The following BCKDHB variants were observed in gnomAD, a reference collection of about 807,000 sequenced individuals.
BCKDHB encodes the protein 2-oxoisovalerate dehydrogenase subunit beta, mitochondrial.
In BCKDHB, 41 loss-of-function variants were observed where a neutral mutation model predicts 48.5. That is an observed-to-expected ratio of 0.85 (90% CI 0.66 to 1.10). The LOEUF (loss-of-function observed/expected upper bound fraction) is 1.10. Among genes scored for constraint, BCKDHB ranks in the 50% least tolerant of loss-of-function variants. BCKDHB has a pLI of 0.00. For synonymous variants in BCKDHB, 201 were observed against 174.8 expected (o/e 1.15, Z -1.18); for missense variants, 496 against 494.2 (o/e 1.00, Z -0.03).
chr6:80,236,006 C>T (rs1172010748), intron 8 of BCKDHB, among the ~76,000 whole-genome samples: 1 of 152,100 alleles, frequency 6.6e-6, no homozygotes, highest in African/African-American at 2.4e-5. Flanking sequence ...AACCTGTGCT[C>T]CATGTGGAAA....
downstream of BCKDHB, among the ~76,000 whole-genome samples, chr6:80,347,441 C>T (rs916466752): frequency 6.6e-6 from 1 of 152,202 alleles, no homozygotes; most frequent in African/African-American, 2.4e-5. Context: ...GAACTCTGCA[C>T]TGACATGGTC....
chr6:80,112,364 A>G (rs1769453888), intron 1 of BCKDHB, among the ~76,000 whole-genome samples: 1 of 152,056 alleles, frequency 6.6e-6, no homozygotes, highest in African/African-American at 2.4e-5. Context: ...CCAGACTCCA[A>G]ACACTGGGGC....
chr6:80,309,597 T>C (rs1768053804), intron 9 of BCKDHB, among the ~76,000 whole-genome samples: 1 of 152,164 alleles, frequency 6.6e-6, no homozygotes, highest in Non-Finnish European at 1.5e-5. Context: ...GTTTGTTTGT[T>C]TGTTTGTTTG....
At chr6:80,413,641 A>C in the BCKDHB span, among the ~76,000 whole-genome samples, 3 of 152,224 alleles carry the variant, frequency 2.0e-5, no homozygotes, top group African/African-American at 4.8e-5. Context: ...CATTCTCGTT[A>C]TGCCTGCATA....
intron 8 of BCKDHB, among the ~76,000 whole-genome samples, chr6:80,247,154 T>C (rs1390372585): frequency 6.6e-6 from 1 of 152,190 alleles, no homozygotes; most frequent in Non-Finnish European, 1.5e-5. Context: ...TCTTAGAGAA[T>C]GTGGGTTGCA....
intron 8 of BCKDHB, among the ~76,000 whole-genome samples, chr6:80,270,694 G>T (rs1582476463): frequency 6.6e-6 from 1 of 152,172 alleles, no homozygotes; most frequent in East Asian, 1.9e-4. Context: ...TGCTCATTTT[G>T]TCAAGTATCT....
At chr6:80,294,747 G>A (rs777848502) in intron 9 of BCKDHB, among the ~76,000 whole-genome samples, 2 of 152,088 alleles carry the variant, frequency 1.3e-5, no homozygotes, top group South Asian at 2.1e-4. Context: ...TGGTCAGACC[G>A]GTTCTCTGCT....
intron 9 of BCKDHB, among the ~76,000 whole-genome samples, chr6:80,331,487 G>A (rs1407731521): frequency 6.6e-5 from 10 of 152,136 alleles, no homozygotes; most frequent in Non-Finnish European, 1.3e-4. Context: ...TCAACCAGAT[G>A]TTGATCCAAT....
At chr6:80,168,297 GAGAA>G (rs199780878) in intron 4 of BCKDHB, among the ~76,000 whole-genome samples, 3,875 of 149,680 alleles carry the variant, frequency 0.026, 60 homozygotes, top group Non-Finnish European at 0.037. Flanking sequence ...GAAAAGAAGA[GAGAA>G]AGAAAGAAAG....
chr6:80,251,055 C>T (rs967556265), intron 8 of BCKDHB, among the ~76,000 whole-genome samples: 5 of 152,144 alleles, frequency 3.3e-5, no homozygotes, highest in African/African-American at 9.7e-5. Context: ...TCACTACTGA[C>T]TAGATAGTAT....
chr6:80,361,059 A>G, the BCKDHB span, among the ~76,000 whole-genome samples: 1 of 151,398 alleles, frequency 6.6e-6, no homozygotes, highest in African/African-American at 2.4e-5. Context: ...ATAGCTTTTC[A>G]TTTTATTTCC....
chr6:80,312,186 A>G (rs1412032375), intron 9 of BCKDHB, among the ~76,000 whole-genome samples: 2 of 152,098 alleles, frequency 1.3e-5, no homozygotes, highest in South Asian at 2.1e-4. Context: ...TTTTATGGCA[A>G]TTGTGAATGG....
chr6:80,195,635 ATTAAT>A (rs1304513900), intron 6 of BCKDHB, among the ~76,000 whole-genome samples: 3 of 152,166 alleles, frequency 2.0e-5, no homozygotes, highest in Non-Finnish European at 4.4e-5. Flanking sequence ...CTAAGAGCTG[ATTAAT>A]TTAATGTGTT....
At chr6:80,411,546 G>C in the BCKDHB span, among the ~76,000 whole-genome samples, 2 of 152,362 alleles carry the variant, frequency 1.3e-5, no homozygotes, top group East Asian at 3.9e-4. Context: ...GCTGGCTTTT[G>C]CTCAGCTATA....
the BCKDHB span, among the ~76,000 whole-genome samples, chr6:80,402,280 TA>T: frequency 1.3e-5 from 2 of 151,884 alleles, no homozygotes; most frequent in Non-Finnish European, 2.9e-5. Context: ...CAATACTTTT[TA>T]TCTTTTGTCT....
At chr6:80,259,266 G>T (rs1777187882) in intron 8 of BCKDHB, among the ~76,000 whole-genome samples, 1 of 152,204 alleles carries the variant, frequency 6.6e-6, no homozygotes, top group Non-Finnish European at 1.5e-5. Context: ...GCTTGCTGCT[G>T]CTCCAGGCCA....
At chr6:80,384,261 C>A in the BCKDHB span, among the ~76,000 whole-genome samples, 1 of 152,082 alleles carries the variant, frequency 6.6e-6, no homozygotes, top group Non-Finnish European at 1.5e-5. Context: ...GAGAGACTGG[C>A]CTAGCCTCCC....
the BCKDHB span, among the ~76,000 whole-genome samples, chr6:80,357,392 G>A: frequency 6.6e-6 from 1 of 152,082 alleles, no homozygotes; most frequent in Non-Finnish European, 1.5e-5. Flanking sequence ...TCTCTCCTCC[G>A]GCCTTCTGAT....
chr6:80,194,742 A>G (rs183643983), intron 6 of BCKDHB, among the ~76,000 whole-genome samples: 5 of 152,326 alleles, frequency 3.3e-5, no homozygotes, highest in Admixed American at 3.3e-4. Context: ...TTCTGTTATG[A>G]ATATGTACCC....
Sources: allele counts gnomAD v4.1 joint callset (sites outside exome capture counted in the v4.1 genomes callset), GRCh38; gene constraint gnomAD v4.1.1; transcripts MANE v1.5; gene names NCBI Gene and HGNC (gene_info 2026-07-23, HGNC 2026-07-21).